Variants in CTNNA1 observed in about 807,000 individuals in gnomAD.
CTNNA1 encodes catenin alpha-1.
CTNNA1 carries 37 observed loss-of-function variants against 98.4 expected under a neutral mutation model. The ratio of observed to expected loss-of-function variants is 0.38; its 90% CI spans 0.29 to 0.49. The LOEUF (loss-of-function observed/expected upper bound fraction) is 0.49. Ranked by LOEUF, CTNNA1 falls within the 20% of genes least tolerant of loss-of-function variation. The pLI, the probability that CTNNA1 is intolerant of heterozygous loss-of-function variation, is 0.95. For synonymous variants in CTNNA1, 404 were observed against 413.2 expected, an observed-to-expected ratio of 0.98 and a Z score of 0.27; for missense variants, 761 against 1,147.2, an observed-to-expected ratio of 0.66 and a Z score of 4.86.
intron 9 of CTNNA1, among the ~76,000 whole-genome samples, chr5:138,891,406 T>G (rs1266127421): frequency 6.6e-6 from 1 of 152,168 alleles, no homozygotes; most frequent in Non-Finnish European, 1.5e-5. Context: ...CTTTTTTTTT[T>G]GGAACCTCTC....
At chr5:138,913,666 AAC>A (rs1352572021) in intron 10 of CTNNA1, among the ~76,000 whole-genome samples, 3 of 151,662 alleles carry the variant, frequency 2.0e-5, no homozygotes, top group Non-Finnish European at 4.4e-5. Flanking sequence ...TCATTTTTCT[AAC>A]AGTTTTTCCT....
At chr5:138,925,652 GTC>G (rs1283895931) in intron 13 of CTNNA1, among the ~76,000 whole-genome samples, 4 of 152,354 alleles carry the variant, frequency 2.6e-5, no homozygotes, top group Admixed American at 6.5e-5. Flanking sequence ...AGGATAAACA[GTC>G]TCTACAACAT....
intron 3 of CTNNA1, among the ~76,000 whole-genome samples, chr5:138,798,625 A>G (rs1757219724): frequency 6.6e-6 from 1 of 152,180 alleles, no homozygotes; most frequent in African/African-American, 2.4e-5. Flanking sequence ...GTCTTCTCCT[A>G]ATAAAGAATT....
At chr5:138,886,694 TG>T (rs1754109088) in intron 8 of CTNNA1, among the ~76,000 whole-genome samples, 1 of 152,212 alleles carries the variant, frequency 6.6e-6, no homozygotes, top group Admixed American at 6.5e-5. Context: ...CTTAGATCCA[TG>T]GTGAAATGTT....
In CTNNA1 at chr5:138,897,953, G is replaced by C. The variant is rs138378475; in HGVS notation, c.1297-6396G>C. On this transcript the variant is annotated intron_variant, in intron 9 of 17. Transcript: ENST00000302763. Reference sequence around the variant, plus strand: ...TCTGCCCAACCTTTGCTCTGTTCCAGAAAAGAGATGCAGTTTGGATACAGC... The same window carrying C: ...TCTGCCCAACCTTTGCTCTGTTCCACAAAAGAGATGCAGTTTGGATACAGC... 8.0e-3 allele frequency among the ~76,000 whole-genome samples: 1,220 copies of C among 152,300 alleles called. 7 individuals carry two copies. Among genetic ancestry groups the C allele is most frequent in the Non-Finnish European group, 0.013 (909 of 68,020 alleles).
chr5:138,833,921 G>GCA (rs1761527499), intron 7 of CTNNA1, among the ~76,000 whole-genome samples: 1 of 152,150 alleles, frequency 6.6e-6, no homozygotes, highest in Non-Finnish European at 1.5e-5. Context: ...GCAGTAACTG[G>GCA]ACATACTTTG....
chr5:138,925,266 T>A lies in CTNNA1; in HGVS notation c.1758T>A (p.Arg586=), dbSNP rs746021399. ...CCTCTTTCTCCACAGTCATGCCACGTTTTACTGAGCAAGTAGAAGCAGCCG... is the reference window on the plus strand; with the variant it reads ...CCTCTTTCTCCACAGTCATGCCACGATTTACTGAGCAAGTAGAAGCAGCCG... ...TKLLSNTVMP[R]FTEQVEAAVE... is the part of the protein sequence containing the mutation. Residue 586 remains arginine (R), a synonymous_variant, in exon 13 of 18, where the codon CGT becomes CGA. Transcript: ENST00000302763. The A allele has an allele frequency of 6.2e-7, 1 of 1,613,902 alleles. No individual in the cohort carries two copies. The highest frequency in any genetic ancestry group is 1.1e-5 in the South Asian group (1 of 91,062).
chr5:138,860,702 C>T (rs1342345329), intron 7 of CTNNA1, among the ~76,000 whole-genome samples: 1 of 151,650 alleles, frequency 6.6e-6, no homozygotes, highest in Admixed American at 6.6e-5. Flanking sequence ...CACCGTGTTG[C>T]CCCGGCTGGT....
At position 138,827,523 on chromosome 5, in the gene CTNNA1, C is replaced by A. The variant is rs767757408; in HGVS notation, c.867C>A (p.Ile289=). The change falls in exon 7 of 18, where the codon ATC becomes ATA. Residue 289 remains isoleucine, a synonymous_variant. Coordinates refer to ENST00000302763, the MANE Select transcript of CTNNA1 (RefSeq NM_001903.5). The part of the protein sequence containing the change: ...AYALNNFDKQ[I]IVDPLSFSEE... ...TAATACTTTCTCTGCAGAAACAAAT[C>A]ATTGTGGACCCCTTGAGCTTCAGCG... 3.7e-6 allele frequency: 6 copies of A among 1,614,188 alleles called. No homozygotes were observed. In the Admixed American group the frequency reaches 8.3e-5, roughly 22 times the overall value.
chr5:138,804,226 C>T (rs1757858659), intron 3 of CTNNA1, among the ~76,000 whole-genome samples: 2 of 152,220 alleles, frequency 1.3e-5, no homozygotes, highest in South Asian at 2.1e-4. Flanking sequence ...AAAGCCAAAA[C>T]TTAGGCCTAT....
chr5:138,894,740 C>T (rs910224183), intron 9 of CTNNA1, among the ~76,000 whole-genome samples: 2 of 152,142 alleles, frequency 1.3e-5, no homozygotes, highest in East Asian at 3.9e-4. Flanking sequence ...TCTAGGTAAG[C>T]CTGGAATAAT....
In CTNNA1 at chr5:138,933,041, C is replaced by A. The variant is rs984558972; in HGVS notation, c.2433+329C>A. ...CCCAGCTACTTGGGAGGCTGAGACA[C>A]AATAATTACTTGAGCCTGGGAGATG... On this transcript the variant is annotated intron_variant, in intron 17 of 17. Coordinates refer to ENST00000302763, the MANE Select transcript of CTNNA1 (RefSeq NM_001903.5). 5.3e-6 allele frequency: 4 copies of A among 751,770 alleles called. No homozygotes were observed. The African/African-American group carries it at 6.8e-5, about 13-fold the overall frequency. 46.6% of individuals were successfully genotyped at this position (751,770 alleles called of 1,614,324 possible). A position where few individuals can be genotyped will look rare whatever the true frequency, so the allele number is the denominator to read the frequency against.
At position 138,760,293 on chromosome 5, in the gene CTNNA1, C is replaced by T. The variant is rs569298662; in HGVS notation, c.-3+6783C>T. Among the ~76,000 whole-genome samples the T allele has an allele frequency of 4.0e-5, 6 of 151,842 alleles. No individual in the cohort carries two copies. In the East Asian group the frequency reaches 5.8e-4, roughly 15 times the overall value. On this transcript the variant is annotated intron_variant, in intron 1 of 17. Transcript: ENST00000302763. ...GCAGGAGTGAGCCACCGTGCTCAGC[C>T]GGATTTCTTTCCTTTTAAAGGCTGA...
chr5:138,870,315 C>T (rs1765220607), intron 7 of CTNNA1: 1 of 152,162 alleles, frequency 6.6e-6, no homozygotes, highest in Non-Finnish European at 1.5e-5. Context: ...AAAATCTTGC[C>T]TTCTACAGGC....
chr5:138,880,668 C>T (rs1246712907), intron 7 of CTNNA1: 2 of 165,746 alleles, frequency 1.2e-5, no homozygotes, highest in African/African-American at 4.8e-5. Context: ...GTTATTTCCT[C>T]TTACCTACAT....
intron 7 of CTNNA1, chr5:138,875,586 C>G (rs542330611): frequency 1.0e-6 from 1 of 985,394 alleles, no homozygotes; most frequent in Admixed American, 6.1e-5. Context: ...TTCAAGAAGA[C>G]CCATCTGAAC....
chr5:138,783,875 C>G (rs1014500979), intron 3 of CTNNA1, among the ~76,000 whole-genome samples: 2 of 152,122 alleles, frequency 1.3e-5, no homozygotes, highest in Non-Finnish European at 2.9e-5. Flanking sequence ...TTAAATCAGC[C>G]ATGCATATTT....
chr5:138,897,412 A>G (rs546942102), intron 9 of CTNNA1, among the ~76,000 whole-genome samples: 1 of 150,230 alleles, frequency 6.7e-6, no homozygotes, highest in Non-Finnish European at 1.5e-5. Flanking sequence ...GATGATCTGC[A>G]TTATAACTTT....
chr5:138,863,884 A>G (rs2149891572), intron 7 of CTNNA1, among the ~76,000 whole-genome samples: 1 of 152,308 alleles, frequency 6.6e-6, no homozygotes, highest in South Asian at 2.1e-4. Context: ...GAGTGTCGAA[A>G]CTGTTTCTTG....
Sources: gnomAD v4.1 joint callset for allele counts (sites outside exome capture counted in the v4.1 genomes callset) on GRCh38, gnomAD v4.1.1 for gene constraint, MANE v1.5 for transcripts, NCBI Gene and HGNC (gene_info 2026-07-23, HGNC 2026-07-21) for gene names.